CCDC91: variants seen among roughly 807,000 people sequenced by gnomAD.
The protein encoded by CCDC91 is coiled-coil domain containing 91.
In CCDC91, 48 loss-of-function variants were observed where a neutral mutation model predicts 63.2. That is an observed-to-expected ratio of 0.76 (90% CI 0.60 to 0.97). The LOEUF is 0.97. Ranked by LOEUF, CCDC91 falls within the 50% of genes least tolerant of loss-of-function variation. The pLI, the probability that CCDC91 is intolerant of heterozygous loss-of-function variation, is 0.00. For missense variants in CCDC91, 500 were observed against 494.6 expected, an observed-to-expected ratio of 1.01 and a Z score of -0.10; for synonymous variants, 167 against 165.8, an observed-to-expected ratio of 1.01 and a Z score of -0.06.
At chr12:28,407,379 A>G (rs1269744584) in intron 8 of CCDC91, among the ~76,000 whole-genome samples, 3 of 152,162 alleles carry the variant, frequency 2.0e-5, no homozygotes, top group African/African-American at 7.2e-5. Flanking sequence ...TCTTTCATGT[A>G]TCTATTTGTC....
chr12:28,261,420 T>C (rs964387460), intron 3 of CCDC91, among the ~76,000 whole-genome samples: 16 of 151,786 alleles, frequency 1.1e-4, no homozygotes, highest in African/African-American at 3.6e-4. Flanking sequence ...GTAAAAGAGA[T>C]CTGAGAAGTA....
intron 12 of CCDC91, among the ~76,000 whole-genome samples, chr12:28,489,673 GT>G (rs1229516069): frequency 6.6e-6 from 1 of 151,788 alleles, no homozygotes; most frequent in African/African-American, 2.4e-5. Flanking sequence ...TTTAATTTAG[GT>G]TTTTAGAGAA....
intron 12 of CCDC91, among the ~76,000 whole-genome samples, chr12:28,540,357 T>C (rs1349700227): frequency 6.6e-6 from 1 of 152,180 alleles, no homozygotes; most frequent in East Asian, 1.9e-4. Context: ...GAATCTACTG[T>C]ATATTAAGAG....
chr12:28,406,312 A>G (rs1592576495), intron 8 of CCDC91, among the ~76,000 whole-genome samples: 1 of 152,040 alleles, frequency 6.6e-6, no homozygotes, highest in Admixed American at 6.6e-5. Context: ...TTTTTGAGAA[A>G]GTCGTTATTA....
intron 3 of CCDC91, among the ~76,000 whole-genome samples, chr12:28,260,857 A>C (rs1340122868): frequency 6.6e-6 from 1 of 151,976 alleles, no homozygotes; most frequent in Admixed American, 6.6e-5. Context: ...GATGATATTT[A>C]TATAATGGCT....
intron 3 of CCDC91, among the ~76,000 whole-genome samples, chr12:28,282,165 C>T (rs990213940): frequency 4.6e-5 from 7 of 151,982 alleles, no homozygotes; most frequent in Non-Finnish European, 7.4e-5. Context: ...GTTGGTAATG[C>T]GTTTTATTTT....
intron 12 of CCDC91, among the ~76,000 whole-genome samples, chr12:28,522,540 A>AT (rs1269542047): frequency 6.6e-6 from 1 of 151,986 alleles, no homozygotes; most frequent in African/African-American, 2.4e-5. Flanking sequence ...GGATGCATTG[A>AT]TTTTTTGAAG....
intron 8 of CCDC91, among the ~76,000 whole-genome samples, chr12:28,443,055 A>C (rs1343007132): frequency 2.0e-5 from 3 of 151,960 alleles, no homozygotes; most frequent in Non-Finnish European, 4.4e-5. Context: ...GGTTTCTAGT[A>C]TCCTGTATCT....
At chr12:28,272,300 A>G (rs1288171183) in intron 3 of CCDC91, among the ~76,000 whole-genome samples, 1 of 152,072 alleles carries the variant, frequency 6.6e-6, no homozygotes, top group Non-Finnish European at 1.5e-5. Flanking sequence ...AGCTCAACAA[A>G]TTAATTATGG....
At chr12:28,394,401 G>A (rs1271343528) in intron 8 of CCDC91, among the ~76,000 whole-genome samples, 2 of 152,128 alleles carry the variant, frequency 1.3e-5, no homozygotes, top group Middle Eastern at 3.4e-3. Context: ...GGGAGGTGGA[G>A]CTTGCAGTGA....
chr12:28,444,152 C>T (rs926693518), intron 8 of CCDC91, among the ~76,000 whole-genome samples: 34 of 152,058 alleles, frequency 2.2e-4, no homozygotes, highest in African/African-American at 7.7e-4. Context: ...AGAATTTATT[C>T]GTTATAGAAG....
intron 12 of CCDC91, among the ~76,000 whole-genome samples, chr12:28,488,023 A>G (rs555853765): frequency 1.7e-4 from 26 of 151,900 alleles, no homozygotes; most frequent in African/African-American, 4.8e-4. Flanking sequence ...ATAAAACACA[A>G]TGGATTTACA....
chr12:28,213,567 C>T (rs550717559), intron 1 of CCDC91, among the ~76,000 whole-genome samples: 1 of 152,286 alleles, frequency 6.6e-6, no homozygotes, highest in Admixed American at 6.5e-5. Flanking sequence ...AGTTTGCTCC[C>T]ATCATGAAAG....
intron 12 of CCDC91, among the ~76,000 whole-genome samples, chr12:28,531,836 G>A (rs1222256537): frequency 2.0e-5 from 3 of 152,088 alleles, no homozygotes; most frequent in East Asian, 1.9e-4. Flanking sequence ...GAATCTCTGC[G>A]TTTCTAGTTT....
chr12:28,446,151 GA>G (rs1949489360), intron 8 of CCDC91, among the ~76,000 whole-genome samples: 1 of 152,130 alleles, frequency 6.6e-6, no homozygotes, highest in African/African-American at 2.4e-5. Context: ...CTAGAATGCT[GA>G]AAGTTTGGCT....
chr12:28,397,999 G>T (rs1353842676), intron 8 of CCDC91, among the ~76,000 whole-genome samples: 2 of 152,018 alleles, frequency 1.3e-5, no homozygotes, highest in Non-Finnish European at 2.9e-5. Context: ...TAAATTCCAT[G>T]AGAGCTAGGT....
intron 5 of CCDC91, among the ~76,000 whole-genome samples, chr12:28,307,149 C>T (rs1048313173): frequency 4.6e-5 from 7 of 151,766 alleles, no homozygotes; most frequent in African/African-American, 1.5e-4. Flanking sequence ...ATATGAACAT[C>T]GTTTACTAGG....
At chr12:28,237,229 T>TAC (rs1354315062) in intron 1 of CCDC91, among the ~76,000 whole-genome samples, 1 of 23,256 alleles carries the variant, frequency 4.3e-5, no homozygotes, top group African/African-American at 9.0e-5. Context: ...ACATGTGTAT[T>TAC]ACACATACAC....
At chr12:28,464,113 C>T (rs1950437814) in intron 11 of CCDC91, among the ~76,000 whole-genome samples, 1 of 152,150 alleles carries the variant, frequency 6.6e-6, no homozygotes, top group Non-Finnish European at 1.5e-5. Flanking sequence ...ACCAAACTTA[C>T]CTGACTCCTG....
Sources: allele counts gnomAD v4.1 joint callset (sites outside exome capture counted in the v4.1 genomes callset), GRCh38; gene constraint gnomAD v4.1.1; transcripts MANE v1.5; gene names NCBI Gene and HGNC (gene_info 2026-07-23, HGNC 2026-07-21).